Variants in PCCA observed in about 807,000 individuals in gnomAD.
PCCA encodes the protein propionyl-CoA carboxylase alpha chain, mitochondrial.
A neutral mutation model predicts 101.3 loss-of-function variants in PCCA; 74 were observed. The observed-to-expected ratio is 0.73, with a 90% confidence interval of 0.61 to 0.89. The LOEUF (loss-of-function observed/expected upper bound fraction) is 0.89, where lower values mean the gene tolerates loss of function less well. Ranked by LOEUF, PCCA falls within the 40% of genes least tolerant of loss-of-function variation. PCCA has a pLI of 0.00. For missense variants in PCCA, 891 were observed against 907.0 expected (o/e 0.98, Z 0.23); for synonymous variants, 294 against 313.6 (o/e 0.94, Z 0.66).
At position 100,337,755 on chromosome 13, in the gene PCCA, T is replaced by C. The variant is rs979868474; in HGVS notation, c.1541-2402T>C. ...TACTGATTGAGCATCTTGCAGTGAA[T>C]GGGTTCCCCTAATGCATTGCCTCCT... is the stretch of plus-strand genomic sequence containing the variant. On this transcript the variant is annotated intron_variant, in intron 17 of 23. Transcript: ENST00000376285. Among the ~76,000 whole-genome samples, 7 of 152,348 alleles carry C rather than the reference T, an allele frequency of 4.6e-5. No homozygotes were observed. In the East Asian group the frequency reaches 1.2e-3, roughly 25 times the overall value.
chr13:100,321,791 A>G (rs539794405), intron 16 of PCCA, among the ~76,000 whole-genome samples: 2 of 152,250 alleles, frequency 1.3e-5, no homozygotes, highest in South Asian at 4.1e-4. Context: ...GGCAGTTTTG[A>G]TAAATTGAGA....
At chr13:100,366,547 C>T (rs2075175383) in intron 18 of PCCA, among the ~76,000 whole-genome samples, 1 of 151,970 alleles carries the variant, frequency 6.6e-6, no homozygotes, top group Admixed American at 6.6e-5. Flanking sequence ...AATAAAGGTG[C>T]TAAGAAAAAA....
At chr13:100,156,191 C>T (rs1753613384) in intron 5 of PCCA, among the ~76,000 whole-genome samples, 2 of 152,138 alleles carry the variant, frequency 1.3e-5, no homozygotes, top group Admixed American at 6.5e-5. Context: ...GCCTCAGCCT[C>T]CCAAGTAGCT....
chr13:100,254,528 T>G (rs1280351404), intron 8 of PCCA, among the ~76,000 whole-genome samples: 2 of 152,144 alleles, frequency 1.3e-5, no homozygotes, highest in African/African-American at 4.8e-5. Context: ...CTAAATATTT[T>G]TTTCCTTCCA....
At chr13:100,509,730 G>T (rs2086335884) in intron 21 of PCCA, among the ~76,000 whole-genome samples, 1 of 152,176 alleles carries the variant, frequency 6.6e-6, no homozygotes, top group African/African-American at 2.4e-5. Context: ...ATTCTGTTCT[G>T]TTGGATTCAC....
At chr13:100,387,064 G>C (rs1400621642) in intron 19 of PCCA, among the ~76,000 whole-genome samples, 2 of 152,188 alleles carry the variant, frequency 1.3e-5, no homozygotes, top group African/African-American at 4.8e-5. Context: ...CAGAAAAGCA[G>C]CTGGCTCATT....
At chr13:100,187,416 C>T (rs1566662979) in intron 6 of PCCA, among the ~76,000 whole-genome samples, 1 of 151,986 alleles carries the variant, frequency 6.6e-6, no homozygotes, top group African/African-American at 2.4e-5. Flanking sequence ...GGAAATAATG[C>T]TATTTTTAGT....
intron 7 of PCCA, among the ~76,000 whole-genome samples, chr13:100,210,462 T>A (rs2059141219): frequency 6.6e-6 from 1 of 152,214 alleles, no homozygotes; most frequent in African/African-American, 2.4e-5. Context: ...ATTAAGAGTT[T>A]CTCTGTATAT....
intron 21 of PCCA, among the ~76,000 whole-genome samples, chr13:100,486,245 C>T (rs2084363225): frequency 6.6e-6 from 1 of 152,168 alleles, no homozygotes; most frequent in Non-Finnish European, 1.5e-5. Flanking sequence ...GTCTATCAAC[C>T]AATCCCAGAG....
At chr13:100,479,580 A>T (rs1320995723) in intron 21 of PCCA, 3 of 152,248 alleles carry the variant, frequency 2.0e-5, no homozygotes, top group African/African-American at 7.2e-5. Flanking sequence ...TATATTTATT[A>T]TTCATTAAGT....
At chr13:100,300,960 C>A (rs1289872103) in intron 12 of PCCA, among the ~76,000 whole-genome samples, 1 of 152,164 alleles carries the variant, frequency 6.6e-6, no homozygotes, top group South Asian at 2.1e-4. Context: ...TTCTGCTACA[C>A]TGCCTCGATG....
chr13:100,306,640 T>C (rs1167286509), intron 14 of PCCA, among the ~76,000 whole-genome samples: 1 of 129,608 alleles, frequency 7.7e-6, no homozygotes, highest in Non-Finnish European at 1.6e-5. Context: ...AGAACTCTAA[T>C]TGGGGCTTTA....
At chr13:100,125,471 A>G (rs903034933) in intron 4 of PCCA, among the ~76,000 whole-genome samples, 1 of 152,234 alleles carries the variant, frequency 6.6e-6, no homozygotes, top group Non-Finnish European at 1.5e-5. Flanking sequence ...TTGCCTTAGT[A>G]TATGGTTTTG....
chr13:100,266,775 T>G (rs1468369479), intron 10 of PCCA, among the ~76,000 whole-genome samples: 2 of 152,234 alleles, frequency 1.3e-5, no homozygotes, highest in East Asian at 3.8e-4. Context: ...AGGGCACTAC[T>G]GGCATTTCCT....
chr13:100,344,711 C>T (rs2071925250), intron 18 of PCCA, among the ~76,000 whole-genome samples: 1 of 152,186 alleles, frequency 6.6e-6, no homozygotes, highest in Non-Finnish European at 1.5e-5. Flanking sequence ...GTCATACAGG[C>T]ACACCTCATT....
intron 19 of PCCA, among the ~76,000 whole-genome samples, chr13:100,389,257 G>T (rs893488725): frequency 1.3e-5 from 2 of 152,196 alleles, no homozygotes; most frequent in African/African-American, 4.8e-5. Flanking sequence ...GAGGTTTGGG[G>T]GAGGGTAGGG....
intron 16 of PCCA, among the ~76,000 whole-genome samples, chr13:100,328,861 T>A (rs190819881): frequency 6.6e-6 from 1 of 151,594 alleles, no homozygotes; most frequent in Non-Finnish European, 1.5e-5. Context: ...GCCCAGCTAA[T>A]TTTTGTATTT....
At chr13:100,494,048 G>A (rs2085096374) in intron 21 of PCCA, among the ~76,000 whole-genome samples, 1 of 152,136 alleles carries the variant, frequency 6.6e-6, no homozygotes, top group Non-Finnish European at 1.5e-5. Context: ...AATCAGCTGG[G>A]TGTGGTGGTG....
chr13:100,155,451 A>G (rs577373543), intron 5 of PCCA, among the ~76,000 whole-genome samples: 1 of 152,382 alleles, frequency 6.6e-6, no homozygotes, highest in South Asian at 2.1e-4. Flanking sequence ...CAGGATCCAA[A>G]GACTGTGTTC....
Sources: gnomAD v4.1 joint callset for allele counts (sites outside exome capture counted in the v4.1 genomes callset) on GRCh38, gnomAD v4.1.1 for gene constraint, MANE v1.5 for transcripts, NCBI Gene and HGNC (gene_info 2026-07-23, HGNC 2026-07-21) for gene names.